The following TRAPPC8 variants were observed in gnomAD, a reference collection of about 807,000 sequenced individuals.
The protein encoded by TRAPPC8 is general sporulation gene 1 homolog.
In TRAPPC8, 54 loss-of-function variants were observed where a neutral mutation model predicts 174.3. The observed-to-expected ratio is 0.31, with a 90% CI of 0.25 to 0.39. TRAPPC8 has a LOEUF of 0.39. Among genes scored for constraint, TRAPPC8 ranks in the 10% least tolerant of loss-of-function variants. The pLI, the probability that TRAPPC8 is intolerant of heterozygous loss-of-function variation, is 1.00. For missense variants in TRAPPC8, 1,531 were observed against 1,699.1 expected (o/e 0.90, Z 1.74); for synonymous variants, 630 against 579.9 (o/e 1.09, Z -1.24).
chr18:31,870,244 T>C (rs2034786824), intron 16 of TRAPPC8, 128 bp downstream of exon 16: 2 of 846,098 alleles, frequency 2.4e-6, no homozygotes, highest in African/African-American at 3.5e-5. Flanking sequence ...CATATCATAA[T>C]TTTTATAACT....
intron 9 of TRAPPC8, among the ~76,000 whole-genome samples, chr18:31,904,779 T>C (rs1598713532): frequency 6.6e-6 from 1 of 152,186 alleles, no homozygotes; most frequent in African/African-American, 2.4e-5. Flanking sequence ...CCTGTAATTC[T>C]AGCACTTTGG....
At chr18:31,892,661 C>T (rs2036003333) in intron 11 of TRAPPC8, among the ~76,000 whole-genome samples, 1 of 152,080 alleles carries the variant, frequency 6.6e-6, no homozygotes, top group Admixed American at 6.5e-5. Flanking sequence ...CCAATACATA[C>T]TCTCATCAAC....
chr18:31,921,455 A>T (rs966973938), intron 2 of TRAPPC8, among the ~76,000 whole-genome samples: 1 of 152,004 alleles, frequency 6.6e-6, no homozygotes, highest in Non-Finnish European at 1.5e-5. Context: ...CTCTACTAAA[A>T]ATACAAAATT....
intron 12 of TRAPPC8, among the ~76,000 whole-genome samples, chr18:31,881,602 C>G (rs1227801653): frequency 2.0e-5 from 3 of 152,002 alleles, no homozygotes; most frequent in Non-Finnish European, 4.4e-5. Context: ...AATTTATGAG[C>G]AAGTCCTCAA....
At chr18:31,874,372 T>G (rs1453086934) in intron 13 of TRAPPC8, 108 bp downstream of exon 13, 2 of 1,188,202 alleles carry the variant, frequency 1.7e-6, no homozygotes, top group East Asian at 5.1e-5. Context: ...TTATGACTGA[T>G]AACTACATAT....
At chr18:31,862,948 A>G (rs1297706309) in intron 19 of TRAPPC8, among the ~76,000 whole-genome samples, 3 of 151,568 alleles carry the variant, frequency 2.0e-5, no homozygotes, top group African/African-American at 4.8e-5. Flanking sequence ...GCTACTCAGG[A>G]GAATGAGGCA....
intron 9 of TRAPPC8, among the ~76,000 whole-genome samples, chr18:31,905,104 T>C (rs193131317): frequency 6.6e-6 from 1 of 152,256 alleles, no homozygotes; most frequent in Admixed American, 6.5e-5. Context: ...TTGTAGTTAC[T>C]ATGACTAAAT....
In TRAPPC8 at chr18:31,897,816, A is replaced by C. The variant is rs200284057; in HGVS notation, c.1566T>G (p.Ala522=). The C allele has an allele frequency of 1.7e-5, 28 of 1,611,342 alleles. No individual in the cohort carries two copies. Among genetic ancestry groups the C allele is most frequent in the Middle Eastern group, 1.6e-4 (1 of 6,064 alleles). ...LLKSQSKYSE[A]AALLIRLTSE... is the part of the protein sequence containing the mutation. ...TGGTCAACCGTATTAGGAGAGCTGC[A>C]GCCTCTGAATATTTGCTTTGGCTTT... Residue 522 remains alanine, a synonymous_variant, in exon 11 of 29, where the codon GCT becomes GCG. Coordinates refer to ENST00000283351, the MANE Select transcript of TRAPPC8 (RefSeq NM_014939.5).
intron 9 of TRAPPC8, among the ~76,000 whole-genome samples, chr18:31,902,999 G>A (rs965654924): frequency 2.0e-5 from 3 of 150,310 alleles, no homozygotes; most frequent in East Asian, 2.0e-4. Context: ...GCAGTGAGCC[G>A]AGATCGTGCC....
chr18:31,844,668 G>T lies in TRAPPC8; in HGVS notation c.3837+2048C>A, dbSNP rs1222372321. ...TACCTGCAACCTTGCAGTGAGCCGAGATTGTGCCACTGCACTCAAGCCTGG... is the reference window on the plus strand; with the variant it reads ...TACCTGCAACCTTGCAGTGAGCCGATATTGTGCCACTGCACTCAAGCCTGG... On this transcript the variant is annotated intron_variant, in intron 26 of 28. Coordinates refer to ENST00000283351, the MANE Select transcript of TRAPPC8 (RefSeq NM_014939.5). 4 of 149,204 alleles carry T rather than the reference G, an allele frequency of 2.7e-5. No individual in the cohort carries two copies. The East Asian group carries it at 7.8e-4, about 29-fold the overall frequency. 9.2% of individuals were successfully genotyped at this position (149,204 alleles called of 1,614,324 possible). A position where few individuals can be genotyped will look rare whatever the true frequency, so the allele number is the denominator to read the frequency against.
chr18:31,872,484 G>C (rs1296293718), intron 14 of TRAPPC8, among the ~76,000 whole-genome samples: 10 of 151,872 alleles, frequency 6.6e-5, no homozygotes, highest in Non-Finnish European at 1.5e-5. Flanking sequence ...GCAGTGGCGA[G>C]ATCTCGGCTA....
intron 1 of TRAPPC8, among the ~76,000 whole-genome samples, chr18:31,932,438 A>AAAC (rs1242281857): frequency 6.6e-6 from 1 of 151,392 alleles, no homozygotes; most frequent in African/African-American, 2.4e-5. Context: ...AAAAAAAAAA[A>AAAC]AACAACAACA....
At chr18:31,890,538 T>G (rs1016570142) in intron 12 of TRAPPC8, among the ~76,000 whole-genome samples, 197 bp downstream of exon 12, 2 of 152,290 alleles carry the variant, frequency 1.3e-5, no homozygotes, top group African/African-American at 4.8e-5. Flanking sequence ...CTCAGAGAAG[T>G]AGCTTGACCA....
chr18:31,873,295 G>C (rs1354344526), intron 14 of TRAPPC8, 135 bp downstream of exon 14: 1 of 685,800 alleles, frequency 1.5e-6, no homozygotes, highest in East Asian at 3.1e-5. Flanking sequence ...GGGATTACAG[G>C]CATGAGCCAA....
rs781769622 is a variant in TRAPPC8 at position 31,908,793 on chromosome 18, C to T, written c.1083G>A (p.Leu361=). 244 of 1,610,778 alleles carry T rather than the reference C, an allele frequency of 1.5e-4. No individual in the cohort carries two copies. In the East Asian group the frequency reaches 5.2e-3, roughly 34 times the overall value. ...FIQEFTFRGL[L]PHIEKTIRQL... is the part of the protein sequence containing the mutation. ...GCCTAATTGTTTTCTCTATATGTGG[C>T]AAAAGGCCCCGAAATGTGAACTCTT... is the stretch of plus-strand genomic sequence containing the variant. Residue 361 remains leucine, a synonymous_variant, in exon 7 of 29, where the codon TTG becomes TTA. Transcript: ENST00000283351.
chr18:31,876,609 C>T (rs1316359995), intron 12 of TRAPPC8, among the ~76,000 whole-genome samples: 1 of 151,560 alleles, frequency 6.6e-6, no homozygotes, highest in African/African-American at 2.4e-5. Context: ...AAAAGACAGC[C>T]AGGATATGAT....
intron 10 of TRAPPC8, 53 bp downstream of exon 10, chr18:31,900,872 A>AT: frequency 1.4e-6 from 2 of 1,383,516 alleles, no homozygotes; most frequent in Non-Finnish European, 2.0e-6. Context: ...AAAAAAAAAA[A>AT]GAACAAACTG....
At chr18:31,853,284 T>C (rs895833951) in intron 22 of TRAPPC8, among the ~76,000 whole-genome samples, 20 of 152,200 alleles carry the variant, frequency 1.3e-4, no homozygotes, top group Non-Finnish European at 2.1e-4. Flanking sequence ...GTTTTGTTTT[T>C]TGTGACAGAG....
chr18:31,916,504 C>A, intron 3 of TRAPPC8, 58 bp from the exon 4 acceptor site: 1 of 1,464,468 alleles, frequency 6.8e-7, no homozygotes, highest in Non-Finnish European at 9.1e-7. Context: ...AAATATTGTC[C>A]TACTGAGATA....
Sources: allele counts gnomAD v4.1 joint callset (sites outside exome capture counted in the v4.1 genomes callset), GRCh38; gene constraint gnomAD v4.1.1; transcripts MANE v1.5; gene names NCBI Gene and HGNC (gene_info 2026-07-23, HGNC 2026-07-21).